The following RIMS4 variants were observed in gnomAD, a reference collection of about 807,000 sequenced individuals.
RIMS4 encodes the protein regulating synaptic membrane exocytosis 4.
RIMS4 carries 9 observed loss-of-function variants against 29.0 expected under a neutral mutation model. The observed-to-expected ratio is 0.31, with a 90% confidence interval of 0.19 to 0.54. The LOEUF (loss-of-function observed/expected upper bound fraction) is 0.54, where lower values mean the gene tolerates loss of function less well. Ranked by LOEUF, RIMS4 falls within the 20% of genes least tolerant of loss-of-function variation. RIMS4 has a pLI of 0.94. For missense variants in RIMS4, 193 were observed against 365.7 expected (o/e 0.53, Z 3.85); for synonymous variants, 130 against 152.9 (o/e 0.85, Z 1.10).
chr20:44,791,934 C>T (rs1323489295), intron 1 of RIMS4, among the ~76,000 whole-genome samples: 1 of 152,172 alleles, frequency 6.6e-6, no homozygotes, highest in African/African-American at 2.4e-5. Flanking sequence ...ACCTGCTTTG[C>T]CCCACTGAGA....
chr20:44,802,320 C>T (rs2066280568), intron 1 of RIMS4, among the ~76,000 whole-genome samples: 1 of 152,166 alleles, frequency 6.6e-6, no homozygotes, highest in Non-Finnish European at 1.5e-5. Context: ...TTACTATAAC[C>T]CTCTTGAGTA....
In RIMS4 at chr20:44,767,012, A is replaced by T. The variant is rs117507134; in HGVS notation, c.236+4263T>A. Among the ~76,000 whole-genome samples, 7 of 152,342 alleles carry T rather than the reference A, an allele frequency of 4.6e-5. No homozygotes were observed. The East Asian group carries it at 1.4e-3, about 29-fold the overall frequency. ...GATAACTCCCAGGTGCATGTTTCACATGGGTTCCGAGAGTTCCCCATCAGG... is the reference window on the plus strand; with the variant it reads ...GATAACTCCCAGGTGCATGTTTCACTTGGGTTCCGAGAGTTCCCCATCAGG... On this transcript the variant is annotated intron_variant, in intron 2 of 5. Transcript: ENST00000372851.
intron 1 of RIMS4, among the ~76,000 whole-genome samples, chr20:44,800,005 G>A (rs1351927227): frequency 3.9e-5 from 6 of 152,190 alleles, no homozygotes; most frequent in African/African-American, 1.2e-4. Context: ...CCCGTTTTGC[G>A]ATGAGGAAAC....
intron 2 of RIMS4, 44 bp downstream of exon 2, chr20:44,771,231 C>G (rs936890347): frequency 7.6e-6 from 12 of 1,582,002 alleles, no homozygotes; most frequent in Non-Finnish European, 1.0e-5. Flanking sequence ...TGCCCCACCA[C>G]AAAAGACTGC....
intron 1 of RIMS4, among the ~76,000 whole-genome samples, chr20:44,783,674 T>C (rs2066195046): frequency 6.6e-6 from 1 of 151,990 alleles, no homozygotes; most frequent in African/African-American, 2.4e-5. Flanking sequence ...TACCTATACA[T>C]GCTTCAACAT....
chr20:44,787,420 C>T (rs1334674957), intron 1 of RIMS4, among the ~76,000 whole-genome samples: 1 of 152,120 alleles, frequency 6.6e-6, no homozygotes, highest in Non-Finnish European at 1.5e-5. Flanking sequence ...CTAATCCCCA[C>T]AACAATCTGT....
intron 1 of RIMS4, among the ~76,000 whole-genome samples, chr20:44,780,791 C>A (rs533140175): frequency 5.3e-5 from 8 of 152,074 alleles, no homozygotes; most frequent in South Asian, 2.1e-4. Flanking sequence ...GTGCCTCAGA[C>A]CTTTTTCCAA....
At chr20:44,761,887 C>G (rs1322166888) in intron 2 of RIMS4, among the ~76,000 whole-genome samples, 1 of 152,216 alleles carries the variant, frequency 6.6e-6, no homozygotes, top group Non-Finnish European at 1.5e-5. Flanking sequence ...ACGTAAGTGT[C>G]TGGGGACTGA....
At chr20:44,798,174 T>C (rs561473480) in intron 1 of RIMS4, among the ~76,000 whole-genome samples, 23 of 152,162 alleles carry the variant, frequency 1.5e-4, no homozygotes, top group Non-Finnish European at 3.1e-4. Flanking sequence ...AGGTGCAAAG[T>C]AGAAAGTCAG....
At chr20:44,764,042 CCATTTATCCATCCATCCATCCATTTAT>C in intron 2 of RIMS4, among the ~76,000 whole-genome samples, 1 of 149,292 alleles carries the variant, frequency 6.7e-6, no homozygotes. Context: ...ATCCATCCAT[CCATTTATCCATCCATCCATCCATTTAT>C]CCATCCATCC....
rs926850102 is a variant in RIMS4, at chr20:44,751,938, G to A, written c.*4196C>T. ...AAGGCCTGGGCGGCTGCTGCTCCAA[G>A]AGAGGGAATGAGGGAAAGGTGGGTG... On this transcript the variant is annotated 3_prime_UTR_variant, in exon 6 of 6. Coordinates refer to ENST00000372851, the MANE Select transcript of RIMS4 (RefSeq NM_182970.4). The A allele has an allele frequency of 6.6e-6, 1 of 152,294 alleles. No homozygotes were observed. The highest frequency in any genetic ancestry group is 2.4e-5 in the African/African-American group (1 of 41,454). The allele number at this position is 152,294 out of a possible 1,614,324, so 9.4% of individuals were successfully genotyped here.
intron 1 of RIMS4, among the ~76,000 whole-genome samples, chr20:44,778,618 T>A (rs907724051): frequency 2.0e-5 from 3 of 150,966 alleles, no homozygotes; most frequent in Non-Finnish European, 4.5e-5. Flanking sequence ...TGAGCTATGA[T>A]CACATTGCTG....
chr20:44,774,452 A>G (rs900789567), intron 1 of RIMS4, among the ~76,000 whole-genome samples: 39 of 152,038 alleles, frequency 2.6e-4, no homozygotes, highest in African/African-American at 8.7e-4. Context: ...AAAAGCAAGC[A>G]GAATGTGGAA....
intron 1 of RIMS4, among the ~76,000 whole-genome samples, chr20:44,780,763 C>T (rs2066180637): frequency 6.6e-6 from 1 of 152,150 alleles, no homozygotes; most frequent in African/African-American, 2.4e-5. Flanking sequence ...CGCTGCTCTA[C>T]ACTGGAGGGA....
Position 44,771,297 on chromosome 20 carries a change from T to G in RIMS4, c.214A>C (p.Asn72His). 6.2e-7 allele frequency: 1 copy of G among 1,612,964 alleles called. No individual in the cohort carries two copies. The highest frequency in any genetic ancestry group is 8.5e-7 in the Non-Finnish European group (1 of 1,179,026). The change falls in exon 2 of 6, where the codon AAC becomes CAC. Residue 72 changes from asparagine (N) to histidine (H), a missense_variant. Transcript: ENST00000372851. ...TACTTGCCCTCTGAGCCATAGCTGT[T>G]CATGCTGTCCTCAATGGACTCGTGG... is the stretch of plus-strand genomic sequence containing the variant. ...ASHESIEDSM[N>H]SYGSEGNLNY...
Position 44,810,492 on chromosome 20 carries a change from TGGCGGCGGC to T in RIMS4, c.-230_-222del, listed in dbSNP as rs1186589933. ...CGGAGCCCGAGGCGCGCTGTGCTGC[TGGCGGCGGC>T]GGCGGCGGCGGCGGTGGCGGCGGCG... On this transcript the variant is annotated 5_prime_UTR_variant, in exon 1 of 6. Transcript: ENST00000372851. 9.4e-5 allele frequency among the ~76,000 whole-genome samples: 13 copies of T among 138,766 alleles called. No individual in the cohort carries two copies. The highest frequency in any genetic ancestry group is 2.2e-4 in the South Asian group (1 of 4,456). The allele number at this position is 138,766 out of a possible 152,430, so 91.0% of individuals were successfully genotyped here.
At chr20:44,807,912 C>T (rs2066305985) in intron 1 of RIMS4, among the ~76,000 whole-genome samples, 1 of 152,100 alleles carries the variant, frequency 6.6e-6, no homozygotes, top group African/African-American at 2.4e-5. Flanking sequence ...GCCGCACCCC[C>T]AGGCCTCCTC....
chr20:44,757,667 G>A lies in RIMS4; in HGVS notation c.451+3C>T, dbSNP rs2066066534. ...ACCTTGCAGGGGAAGGTAGGCCCCA[G>A]ACCTGGCAGTGTCTTGGAGCCTGGC... is the stretch of plus-strand genomic sequence containing the variant. On this transcript the variant is annotated splice_donor_region_variant and intron_variant, in intron 4 of 5. Coordinates refer to ENST00000372851, the MANE Select transcript of RIMS4 (RefSeq NM_182970.4). The A allele has an allele frequency of 1.2e-6, 2 of 1,611,404 alleles. No homozygotes were observed. Among genetic ancestry groups the A allele is most frequent in the Non-Finnish European group, 1.7e-6 (2 of 1,177,646 alleles).
At position 44,795,362 on chromosome 20, in the gene RIMS4, G is replaced by A. The variant is rs1338010161; in HGVS notation, c.97+14813C>T. 4.6e-5 allele frequency among the ~76,000 whole-genome samples: 7 copies of A among 152,270 alleles called. No homozygotes were observed. The East Asian group carries it at 7.7e-4, about 17-fold the overall frequency. ...ATAAAATAGGGATAGCCAGCCAGGCGCAGTGGCTCACGCCTGTAATCCCAG... is the reference window on the plus strand; with the variant it reads ...ATAAAATAGGGATAGCCAGCCAGGCACAGTGGCTCACGCCTGTAATCCCAG... On this transcript the variant is annotated intron_variant, in intron 1 of 5. Coordinates refer to ENST00000372851, the MANE Select transcript of RIMS4 (RefSeq NM_182970.4).
Sources: gnomAD v4.1 joint callset for allele counts (sites outside exome capture counted in the v4.1 genomes callset) on GRCh38, gnomAD v4.1.1 for gene constraint, MANE v1.5 for transcripts, NCBI Gene and HGNC (gene_info 2026-07-23, HGNC 2026-07-21) for gene names.